The following DNAH14 variants were observed in gnomAD, a reference collection of about 807,000 sequenced individuals.
DNAH14 encodes the protein axonemal beta dynein heavy chain 14.
In DNAH14, 478 loss-of-function variants were observed where a neutral mutation model predicts 520.9. The observed-to-expected ratio is 0.92, with a 90% CI of 0.85 to 0.99. The LOEUF (loss-of-function observed/expected upper bound fraction) is 0.99, where lower values mean the gene tolerates loss of function less well. DNAH14 is among the 50% of genes least tolerant of loss of function. DNAH14 has a pLI of 0.00. For synonymous variants in DNAH14, 1,581 were observed against 1,757.2 expected, an observed-to-expected ratio of 0.90 and a Z score of 2.51; for missense variants, 4,831 against 5,234.5, an observed-to-expected ratio of 0.92 and a Z score of 2.38.
intron 17 of DNAH14, among the ~76,000 whole-genome samples, chr1:225,074,220 C>T (rs957750933): frequency 1.3e-5 from 2 of 151,830 alleles, no homozygotes; most frequent in Non-Finnish European, 2.9e-5. Flanking sequence ...GGGATGGTCT[C>T]GATCTCCTGA....
intron 41 of DNAH14, among the ~76,000 whole-genome samples, chr1:225,227,159 ACAGACCCTTTACGGGTGT>A (rs928233516): frequency 3.4e-4 from 52 of 152,064 alleles, no homozygotes; most frequent in Admixed American, 1.0e-3. Flanking sequence ...CCTCCTCAGC[ACAGACCCTTTACGGGTGT>A]CAGGCTGGGG....
rs534342495 is a variant in DNAH14 at position 225,117,892 on chromosome 1, G to A, written c.3984G>A (p.Val1328=). 27 of 1,547,940 alleles carry A rather than the reference G, an allele frequency of 1.7e-5. No individual in the cohort carries two copies. The African/African-American group carries it at 2.3e-4, about 13-fold the overall frequency. ...RNPESVQPHL[V]KCFENIKQLL... is the part of the protein sequence containing the mutation. ...TTTCTGGTTCACAGCCTCATCTTGT[G>A]AAATGCTTTGAAAATATAAAACAAT... Residue 1328 remains valine (V), a synonymous_variant, in exon 25 of 86, where the codon GTG becomes GTA. Coordinates refer to ENST00000682510, the MANE Select transcript of DNAH14 (RefSeq NM_001367479.1).
At chr1:225,119,524 TGTTTACATGC>T (rs2077129090) in intron 26 of DNAH14, among the ~76,000 whole-genome samples, 1 of 151,976 alleles carries the variant, frequency 6.6e-6, no homozygotes, top group African/African-American at 2.4e-5. Flanking sequence ...AGTTTGAGAG[TGTTTACATGC>T]ACAACCTTCA....
intron 11 of DNAH14, among the ~76,000 whole-genome samples, chr1:225,032,330 T>A (rs2066592561): frequency 6.6e-6 from 1 of 152,142 alleles, no homozygotes; most frequent in Admixed American, 6.6e-5. Flanking sequence ...GAACATACAG[T>A]ATTTGGTTTT....
intron 36 of DNAH14, among the ~76,000 whole-genome samples, chr1:225,184,050 G>A (rs2084374992): frequency 6.6e-6 from 1 of 151,802 alleles, no homozygotes; most frequent in South Asian, 2.1e-4. Context: ...AATCAAGTAG[G>A]GATTACTCCC....
intron 61 of DNAH14, among the ~76,000 whole-genome samples, chr1:225,319,336 T>C (rs903606550): frequency 6.6e-6 from 1 of 152,122 alleles, no homozygotes; most frequent in Admixed American, 6.5e-5. Context: ...AATCTTTGGG[T>C]GAGATAATTT....
chr1:225,185,470 T>G, intron 37 of DNAH14, 45 bp downstream of exon 37: 1 of 1,468,132 alleles, frequency 6.8e-7, no homozygotes, highest in Non-Finnish European at 9.0e-7. Flanking sequence ...TGTTCATATC[T>G]TATTTTACAC....
At chr1:225,350,269 A>T (rs1035004794) in intron 71 of DNAH14, among the ~76,000 whole-genome samples, 6 of 152,172 alleles carry the variant, frequency 3.9e-5, no homozygotes, top group Non-Finnish European at 8.8e-5. Flanking sequence ...TAGGGGATAC[A>T]TTGAAAGCAG....
chr1:224,942,765 G>A (rs2059513207), intron 1 of DNAH14, among the ~76,000 whole-genome samples: 1 of 152,170 alleles, frequency 6.6e-6, no homozygotes, highest in South Asian at 2.1e-4. Context: ...AGATAATCAT[G>A]TGGTTTTTGT....
chr1:225,131,714 T>C (rs1046060875), intron 27 of DNAH14, among the ~76,000 whole-genome samples: 6 of 152,208 alleles, frequency 3.9e-5, no homozygotes, highest in African/African-American at 1.2e-4. Context: ...ACATGCATAT[T>C]TGCTAGAGCT....
chr1:225,303,106 TC>T (rs1479189481), intron 56 of DNAH14, 49 bp from the exon 57 acceptor site: 10 of 1,264,324 alleles, frequency 7.9e-6, no homozygotes, highest in Non-Finnish European at 9.6e-6. Context: ...TAATATTTTT[TC>T]AAAACAGTGG....
chr1:225,028,920 C>A (rs985157015), intron 11 of DNAH14, among the ~76,000 whole-genome samples: 5 of 151,840 alleles, frequency 3.3e-5, no homozygotes, highest in Non-Finnish European at 7.4e-5. Flanking sequence ...ATAAACTTAC[C>A]CTATAATGTA....
At chr1:225,115,710 A>T (rs1455532252) in intron 23 of DNAH14, among the ~76,000 whole-genome samples, 1 of 152,238 alleles carries the variant, frequency 6.6e-6, no homozygotes, top group Admixed American at 6.5e-5. Context: ...TCGTTGAGAT[A>T]AGCCTTCCAA....
intron 11 of DNAH14, among the ~76,000 whole-genome samples, chr1:225,032,109 A>G (rs1295808261): frequency 6.6e-6 from 1 of 151,954 alleles, no homozygotes; most frequent in East Asian, 1.9e-4. Context: ...GTTTGGGGGT[A>G]CATGTGAAGG....
At chr1:225,303,719 C>A (rs1240645148) in intron 57 of DNAH14, among the ~76,000 whole-genome samples, 1 of 152,022 alleles carries the variant, frequency 6.6e-6, no homozygotes, top group Non-Finnish European at 1.5e-5. Context: ...CTACAAATAG[C>A]AAGTCAGCAA....
chr1:225,109,393 A>G (rs1558987339), intron 23 of DNAH14, among the ~76,000 whole-genome samples: 1 of 152,050 alleles, frequency 6.6e-6, no homozygotes, highest in Non-Finnish European at 1.5e-5. Context: ...AATTTCTTGC[A>G]TCAATGTTTT....
intron 62 of DNAH14, 76 bp downstream of exon 62, chr1:225,322,899 T>G: frequency 1.5e-6 from 2 of 1,348,832 alleles, no homozygotes; most frequent in South Asian, 3.5e-5. Flanking sequence ...GCCATCTAAA[T>G]TGTTCTATTC....
At chr1:225,349,879 G>A (rs2095340922) in intron 71 of DNAH14, among the ~76,000 whole-genome samples, 1 of 152,122 alleles carries the variant, frequency 6.6e-6, no homozygotes, top group South Asian at 2.1e-4. Flanking sequence ...ATTTTCAATA[G>A]CGAATAAAAC....
At chr1:225,012,566 G>A (rs2064872090) in intron 10 of DNAH14, among the ~76,000 whole-genome samples, 1 of 152,110 alleles carries the variant, frequency 6.6e-6, no homozygotes, top group Admixed American at 6.5e-5. Context: ...TTCCCACTGG[G>A]TTCCGTTCTC....
Sources: allele counts gnomAD v4.1 joint callset (sites outside exome capture counted in the v4.1 genomes callset), GRCh38; gene constraint gnomAD v4.1.1; transcripts MANE v1.5; gene names NCBI Gene and HGNC (gene_info 2026-07-23, HGNC 2026-07-21).